TSPAN6: variants seen among roughly 807,000 people sequenced by gnomAD.
The protein encoded by TSPAN6 is tetraspanin 6, also known as tetraspanin-6.
TSPAN6 carries 13 observed loss-of-function variants against 18.0 expected under a neutral mutation model. The ratio of observed to expected loss-of-function variants is 0.72; its 90% CI spans 0.47 to 1.15. The LOEUF (loss-of-function observed/expected upper bound fraction) is 1.15. TSPAN6 is among the 50% of genes most tolerant of loss of function. The pLI is 0.00. For synonymous variants in TSPAN6, 82 were observed against 67.0 expected, an observed-to-expected ratio of 1.22 and a Z score of -1.09; for missense variants, 186 against 183.9, an observed-to-expected ratio of 1.01 and a Z score of -0.07.
intron 7 of TSPAN6, among the ~76,000 whole-genome samples, 199 bp from the exon 8 acceptor site, chrX:100,630,185 C>A (rs935372257): frequency 8.9e-6 from 1 of 111,874 alleles, no homozygotes; most frequent in African/African-American, 3.3e-5. Flanking sequence ...CAGTCAAATA[C>A]TAACGCCATT....
chrX:100,631,997 C>T (rs2083062563), intron 6 of TSPAN6: 1 of 125,722 alleles, frequency 8.0e-6, no homozygotes, highest in Admixed American at 8.5e-5. Flanking sequence ...GGTATTTCTC[C>T]TAAATAAAGT....
At position 100,636,653 on chromosome X, in the gene TSPAN6, A is replaced by G. The variant is rs2083098087; in HGVS notation, c.42T>C (p.Ile14=). The part of the protein sequence containing the change: ...PSRRLQTKPV[I]TCFKSVLLIY... ...TTAGCAGAACGCTCTTGAAACAAGTAATGACTGGTTTAGTCTGCAGTCTCC... is the reference window on the plus strand; with the variant it reads ...TTAGCAGAACGCTCTTGAAACAAGTGATGACTGGTTTAGTCTGCAGTCTCC... Residue 14 remains isoleucine (I), a synonymous_variant, in exon 1 of 8, where the codon ATT becomes ATC. Coordinates refer to ENST00000373020, the MANE Select transcript of TSPAN6 (RefSeq NM_003270.4). 1.7e-6 allele frequency: 2 copies of G among 1,205,000 alleles called. No individual in the cohort carries two copies. Among genetic ancestry groups the G allele is most frequent in the Admixed American group, 4.4e-5 (2 of 45,428 alleles).
In TSPAN6 at chrX:100,630,846, G is replaced by C. The variant is rs1328458828; in HGVS notation, c.690C>G (p.Ala230=). 3 of 1,208,490 alleles carry C rather than the reference G, an allele frequency of 2.5e-6. No individual in the cohort carries two copies. Among genetic ancestry groups the C allele is most frequent in the Non-Finnish European group, 2.2e-6 (2 of 892,685 alleles). ...TTGTTATGGCACGAGAGAGGCAGTA[G>C]GCGAGAAAGATTCCAATCAGCTAGA... is the stretch of plus-strand genomic sequence containing the variant. The part of the protein sequence containing the change: ...ACFQLIGIFL[A]YCLSRAITNN... The change falls in exon 7 of 8, where the codon GCC becomes GCG. Residue 230 remains alanine (A), a synonymous_variant. Transcript: ENST00000373020.
intron 1 of TSPAN6, chrX:100,636,391 C>G (rs893281669): frequency 1.2e-5 from 12 of 983,633 alleles, no homozygotes; most frequent in African/African-American, 2.0e-5. Context: ...CTCAGCCTCT[C>G]GGCTGCCTTC....
At chrX:100,630,277 T>C (rs1454335655) in intron 7 of TSPAN6, among the ~76,000 whole-genome samples, 1 of 112,170 alleles carries the variant, frequency 8.9e-6, no homozygotes, top group Non-Finnish European at 1.9e-5. Flanking sequence ...CAAAAACATC[T>C]TTTTACCAAG....
intron 6 of TSPAN6, among the ~76,000 whole-genome samples, chrX:100,631,180 A>G (rs755354423): frequency 8.9e-6 from 1 of 112,127 alleles, no homozygotes; most frequent in East Asian, 2.8e-4. Context: ...ATGGTTTTCA[A>G]TAAGTATCTT....
At chrX:100,635,792 G>C (rs1381233977) in intron 1 of TSPAN6, 46 bp from the exon 2 acceptor site, 1 of 989,912 alleles carries the variant, frequency 1.0e-6, no homozygotes, top group African/African-American at 1.9e-5. Flanking sequence ...ACTGTGTACA[G>C]CAGCATCTTC....
chrX:100,627,227 G>C lies in TSPAN6; in HGVS notation c.*2799C>G, dbSNP rs1440991169. 1.8e-5 allele frequency: 2 copies of C among 112,210 alleles called. No individual in the cohort carries two copies. Among genetic ancestry groups the C allele is most frequent in the Non-Finnish European group, 3.8e-5 (2 of 53,294 alleles). 9.2% of individuals were successfully genotyped at this position (112,210 alleles called of 1,213,427 possible). On this transcript the variant is annotated 3_prime_UTR_variant, in exon 8 of 8. Transcript: ENST00000373020. ...TTTTCACACTTAAGATATACCTAGAGATTTCTGCTTCTCAAAATGTCACCT... is the reference window on the plus strand; with the variant it reads ...TTTTCACACTTAAGATATACCTAGACATTTCTGCTTCTCAAAATGTCACCT...
Position 100,628,861 on chromosome X carries a change from G to A in TSPAN6, c.*1165C>T, listed in dbSNP as rs2083041013. ...GTGGTTTGCTGCACCTATGGGAACA[G>A]TTTTTTTTAAACAAAAACATTTTTT... is the stretch of plus-strand genomic sequence containing the variant. On this transcript the variant is annotated 3_prime_UTR_variant, in exon 8 of 8. Coordinates refer to ENST00000373020, the MANE Select transcript of TSPAN6 (RefSeq NM_003270.4). 1 of 111,457 alleles carries A rather than the reference G, an allele frequency of 9.0e-6. No homozygotes were observed. Among genetic ancestry groups the A allele is most frequent in the Admixed American group, 9.6e-5 (1 of 10,444 alleles). 9.2% of individuals were successfully genotyped at this position (111,457 alleles called of 1,213,427 possible). A position where few individuals can be genotyped will look rare whatever the true frequency, so the allele number is the denominator to read the frequency against.
At chrX:100,635,408 G>C (rs1474631856) in intron 2 of TSPAN6, 150 bp downstream of exon 2, 4 of 659,157 alleles carry the variant, frequency 6.1e-6, no homozygotes, top group Admixed American at 3.8e-5. Context: ...TTTTGAAAGT[G>C]GAAACTGGCA....
Position 100,635,619 on chromosome X carries a change from A to G in TSPAN6, c.215T>C (p.Ile72Thr), listed in dbSNP as rs1448208207. Residue 72 changes from isoleucine to threonine, a missense_variant, in exon 2 of 8, where the codon ATT becomes ACT. Transcript: ENST00000373020. ...FVLIATGTVI[I>T]LLGTFGCFAT... is the part of the protein sequence containing the mutation. ...AAAACAACCAAAGGTGCCCAAAAGA[A>G]TAATGACGGTACCAGTAGCAATGAG... 8.3e-7 allele frequency: 1 copy of G among 1,201,945 alleles called. No homozygotes were observed. Among genetic ancestry groups the G allele is most frequent in the Non-Finnish European group, 1.1e-6 (1 of 890,629 alleles).
intron 6 of TSPAN6, 105 bp from the exon 7 acceptor site, chrX:100,630,971 G>C: frequency 1.6e-6 from 1 of 614,999 alleles, no homozygotes; most frequent in Non-Finnish European, 2.6e-6. Context: ...TTTCGTCCTT[G>C]AGTTTTTCTA....
chrX:100,633,768 A>G lies in TSPAN6; in HGVS notation c.450+163T>C, dbSNP rs1433319878. Among the ~76,000 whole-genome samples, 9 of 108,559 alleles carry G rather than the reference A, an allele frequency of 8.3e-5. No individual in the cohort carries two copies. The Admixed American group carries it at 9.1e-4, about 11-fold the overall frequency. The allele number at this position is 108,559 out of a possible 115,157, so 94.3% of individuals were successfully genotyped here. ...AGTTGGTACTAACTGTACCTGGACT[A>G]TGATGTAAGTGGGGAAGGAAGAGAA... On this transcript the variant is annotated intron_variant, in intron 4 of 7. Coordinates refer to ENST00000373020, the MANE Select transcript of TSPAN6 (RefSeq NM_003270.4).
At position 100,636,730 on chromosome X, in the gene TSPAN6, A is replaced by G. The variant is rs752127238; in HGVS notation, c.-36T>C. ...AGACCCTGCACCACCGCACCGGGCG[A>G]TTGGAACACAGAGAGCGAGACGCGG... On this transcript the variant is annotated 5_prime_UTR_variant, in exon 1 of 8. Transcript: ENST00000373020. 2.6e-6 allele frequency: 3 copies of G among 1,173,258 alleles called. No individual in the cohort carries two copies. The highest frequency in any genetic ancestry group is 3.4e-6 in the Non-Finnish European group (3 of 877,060).
chrX:100,631,095 ACTC>A (rs751876944), intron 6 of TSPAN6, among the ~76,000 whole-genome samples: 2 of 111,860 alleles, frequency 1.8e-5, no homozygotes, highest in South Asian at 7.4e-4. Flanking sequence ...AATCCAGCAA[ACTC>A]ACTCAAGGAA....
chrX:100,633,211 C>T (rs1371915599), intron 5 of TSPAN6, among the ~76,000 whole-genome samples, 194 bp downstream of exon 5: 1 of 110,744 alleles, frequency 9.0e-6, no homozygotes, highest in Non-Finnish European at 1.9e-5. Context: ...TCCAGCTACT[C>T]GAGAGGCTGA....
chrX:100,630,441 C>T (rs7884655), intron 7 of TSPAN6, among the ~76,000 whole-genome samples: 6,334 of 111,372 alleles, frequency 0.057, 462 homozygotes, highest in African/African-American at 0.2. Flanking sequence ...CTCCTCTCTC[C>T]AGGCCAAAAC....
rs1486098940 is a variant in TSPAN6 at position 100,628,791 on chromosome X, T to C, written c.*1235A>G. On this transcript the variant is annotated 3_prime_UTR_variant, in exon 8 of 8. Coordinates refer to ENST00000373020, the MANE Select transcript of TSPAN6 (RefSeq NM_003270.4). ...TGTTTACATTAAGTTCTGGGATACA[T>C]GTGCAGAATGTGCAGGTTTGTTACA... is the stretch of plus-strand genomic sequence containing the variant. The C allele has an allele frequency of 8.9e-6, 1 of 112,276 alleles. No individual in the cohort carries two copies. Among genetic ancestry groups the C allele is most frequent in the Non-Finnish European group, 1.9e-5 (1 of 53,330 alleles). 9.3% of individuals were successfully genotyped at this position (112,276 alleles called of 1,213,427 possible).
At chrX:100,634,143 T>C (rs2083078683) in intron 3 of TSPAN6, 114 bp from the exon 4 acceptor site, 1 of 477,721 alleles carries the variant, frequency 2.1e-6, no homozygotes, top group African/African-American at 2.4e-5. Context: ...CAGCAACATG[T>C]ATAGTAATTA....
Sources: allele counts gnomAD v4.1 joint callset (sites outside exome capture counted in the v4.1 genomes callset), GRCh38; gene constraint gnomAD v4.1.1; transcripts MANE v1.5; gene names NCBI Gene and HGNC (gene_info 2026-07-23, HGNC 2026-07-21).